The following TTC7A variants were observed in gnomAD, a reference collection of about 807,000 sequenced individuals.
The protein encoded by TTC7A is tetratricopeptide repeat domain 7A, also known as tetratricopeptide repeat protein 7A.
Under a neutral mutation model 103.7 loss-of-function variants are expected in TTC7A, and 110 were observed. The observed-to-expected ratio is 1.06, with a 90% CI of 0.91 to 1.24. The LOEUF (loss-of-function observed/expected upper bound fraction) is 1.24. Ranked by LOEUF, TTC7A falls within the 50% of genes most tolerant of loss-of-function variation. The pLI is 0.00. For synonymous variants in TTC7A, 521 were observed against 467.9 expected (o/e 1.11, Z -1.47); for missense variants, 1,340 against 1,116.3 (o/e 1.20, Z -2.86).
At chr2:47,050,974 C>G (rs1480238293) in intron 17 of TTC7A, 4 of 152,214 alleles carry the variant, frequency 2.6e-5, no homozygotes, top group Non-Finnish European at 5.9e-5. Context: ...CACATTTCAC[C>G]TGCATGGGAA....
intron 3 of TTC7A, among the ~76,000 whole-genome samples, chr2:46,973,732 G>A (rs567171504): frequency 5.9e-5 from 9 of 152,228 alleles, no homozygotes; most frequent in South Asian, 2.1e-4. Context: ...TGCCAGTAGC[G>A]GCCAAGTCTG....
intron 2 of TTC7A, among the ~76,000 whole-genome samples, chr2:46,953,872 A>G (rs1352621072): frequency 7.0e-6 from 1 of 142,424 alleles, no homozygotes; most frequent in Non-Finnish European, 1.5e-5. Flanking sequence ...TGTGTTTCTC[A>G]GGCTGGTCTC....
At chr2:46,999,631 A>G (rs1394622053) in intron 8 of TTC7A, 1 of 985,356 alleles carries the variant, frequency 1.0e-6, no homozygotes, top group Non-Finnish European at 1.2e-6. Context: ...ATCAGAAGGA[A>G]TGACCCCAGC....
intron 2 of TTC7A, among the ~76,000 whole-genome samples, chr2:46,919,324 A>G (rs1311337653): frequency 6.6e-6 from 1 of 152,182 alleles, no homozygotes; most frequent in African/African-American, 2.4e-5. Flanking sequence ...ACCTCAGGTC[A>G]GGAGTTCGAG....
intron 11 of TTC7A, among the ~76,000 whole-genome samples, chr2:47,014,567 C>A (rs1208694768): frequency 6.8e-6 from 1 of 147,824 alleles, no homozygotes; most frequent in African/African-American, 2.4e-5. Context: ...GCCCTGTACT[C>A]TCTGTTCCTG....
chr2:46,936,820 A>G (rs1276492622), upstream of TTC7A, among the ~76,000 whole-genome samples: 2 of 151,922 alleles, frequency 1.3e-5, no homozygotes, highest in African/African-American at 4.8e-5. Context: ...CTTTTTTTTC[A>G]TTAGCATGAG....
chr2:47,006,819 G>A, intron 10 of TTC7A, 95 bp downstream of exon 10: 2 of 999,954 alleles, frequency 2.0e-6, no homozygotes, highest in Non-Finnish European at 3.2e-6. Flanking sequence ...GAGTGGGTGG[G>A]TATTATCCTG....
chr2:47,052,021 C>G (rs1277449008), intron 18 of TTC7A, 141 bp downstream of exon 18: 1 of 1,101,930 alleles, frequency 9.1e-7, no homozygotes, highest in Non-Finnish European at 1.2e-6. Flanking sequence ...TCGCCTCTGG[C>G]TGTGGGTCTC....
intron 10 of TTC7A, 83 bp from the exon 11 acceptor site, chr2:47,011,248 G>T (rs1458473391): frequency 3.1e-6 from 4 of 1,306,798 alleles, no homozygotes; most frequent in East Asian, 4.8e-5. Flanking sequence ...GCAAGGCTTG[G>T]TTGTTTGGGA....
rs199717000 is a variant in TTC7A, at chr2:47,049,915, C to T, written c.1920-34C>T. ...TGGGCCCTGTGATGCTAGCCCTCTACCTTACCGGACCCTGGCCCTCTTTTG... is the reference window on the plus strand; with the variant it reads ...TGGGCCCTGTGATGCTAGCCCTCTATCTTACCGGACCCTGGCCCTCTTTTG... On this transcript the variant is annotated intron_variant, in intron 16 of 19. Transcript: ENST00000319190. 145 of 1,565,342 alleles carry T rather than the reference C, an allele frequency of 9.3e-5. No homozygotes were observed. In the African/African-American group the frequency reaches 1.8e-3, roughly 19 times the overall value.
At chr2:47,037,843 A>G (rs187190135) in intron 15 of TTC7A, among the ~76,000 whole-genome samples, 9 of 152,330 alleles carry the variant, frequency 5.9e-5, no homozygotes, top group Middle Eastern at 6.8e-3. Flanking sequence ...TTGGGCAAAC[A>G]TGTATTGAAC....
chr2:46,968,751 A>G (rs1407350497), intron 3 of TTC7A, among the ~76,000 whole-genome samples: 1 of 152,130 alleles, frequency 6.6e-6, no homozygotes, highest in East Asian at 1.9e-4. Flanking sequence ...TTATTTTTAG[A>G]TAAATTTTCA....
In TTC7A at chr2:47,007,284, G is replaced by A. The variant is rs577983516; in HGVS notation, c.1287+560G>A. ...GACGCTGCCCGGAGCAAGGAGCACCGGGCATGAGTTCACTCTCTATCCACC... is the reference window on the plus strand; with the variant it reads ...GACGCTGCCCGGAGCAAGGAGCACCAGGCATGAGTTCACTCTCTATCCACC... On this transcript the variant is annotated intron_variant, in intron 10 of 19. Transcript: ENST00000319190. The surrounding 1 kb of genome is among the most constrained non-coding windows in gnomAD (Gnocchi z 4.9). 3.4e-4 allele frequency among the ~76,000 whole-genome samples: 51 copies of A among 152,052 alleles called. No individual in the cohort carries two copies. Among genetic ancestry groups the A allele is most frequent in the African/African-American group, 9.2e-4 (38 of 41,460 alleles).
chr2:47,036,712 A>G (rs4245812), intron 15 of TTC7A, among the ~76,000 whole-genome samples: 64,545 of 152,014 alleles, frequency 0.42, 14,070 homozygotes, highest in East Asian at 0.64. Flanking sequence ...TTAAAAGTTA[A>G]CCAGGCGTGG....
intron 5 of TTC7A, among the ~76,000 whole-genome samples, chr2:46,990,823 C>T (rs1445703791): frequency 6.6e-6 from 1 of 152,154 alleles, no homozygotes; most frequent in Non-Finnish European, 1.5e-5. Flanking sequence ...CAGGGCATCC[C>T]CTAAACCAGT....
chr2:46,976,018 C>T (rs777445514), intron 4 of TTC7A, among the ~76,000 whole-genome samples: 9 of 152,132 alleles, frequency 5.9e-5, no homozygotes, highest in Non-Finnish European at 1.0e-4. Flanking sequence ...ATTACAGGCC[C>T]GTGCCCAGCC....
intron 19 of TTC7A, among the ~76,000 whole-genome samples, chr2:47,064,174 T>C (rs1005285004): frequency 1.3e-5 from 2 of 152,194 alleles, no homozygotes; most frequent in African/African-American, 4.8e-5. Flanking sequence ...GCGGAATTTG[T>C]CCCAAGTTTG....
chr2:47,010,455 A>G (rs1259551736), intron 10 of TTC7A, among the ~76,000 whole-genome samples: 1 of 152,114 alleles, frequency 6.6e-6, no homozygotes, highest in Non-Finnish European at 1.5e-5. Flanking sequence ...TGTTCTTCTC[A>G]TTACTGTTAT....
chr2:47,018,344 A>G (rs1290845678), intron 11 of TTC7A, among the ~76,000 whole-genome samples: 1 of 151,466 alleles, frequency 6.6e-6, no homozygotes, highest in African/African-American at 2.4e-5. Flanking sequence ...ACGCTTTTGG[A>G]GGCCAATGCA....
Sources: allele counts gnomAD v4.1 joint callset (sites outside exome capture counted in the v4.1 genomes callset), GRCh38; gene constraint gnomAD v4.1.1; non-coding constraint Gnocchi (gnomAD v3.1); transcripts MANE v1.5; gene names NCBI Gene and HGNC (gene_info 2026-07-23, HGNC 2026-07-21).